SH2D3A: variants seen among roughly 807,000 people sequenced by gnomAD.
SH2D3A encodes the protein SH2 domain-containing protein 3A.
A neutral mutation model predicts 50.6 loss-of-function variants in SH2D3A; 46 were observed. The observed-to-expected ratio is 0.91, with a 90% confidence interval of 0.72 to 1.16. The LOEUF (loss-of-function observed/expected upper bound fraction) is 1.16, where lower values mean the gene tolerates loss of function less well. Among genes scored for constraint, SH2D3A ranks in the 50% most tolerant of loss-of-function variants. The pLI, the probability that SH2D3A is intolerant of heterozygous loss-of-function variation, is 0.00. For missense variants in SH2D3A, 783 were observed against 786.2 expected, an observed-to-expected ratio of 1.00 and a Z score of 0.05; for synonymous variants, 377 against 348.4, an observed-to-expected ratio of 1.08 and a Z score of -0.91.
intron 1 of SH2D3A, among the ~76,000 whole-genome samples, chr19:6,765,395 C>T (rs1042089769): frequency 3.3e-5 from 5 of 152,064 alleles, no homozygotes; most frequent in Admixed American, 6.6e-5. Flanking sequence ...GCAACCTATG[C>T]GCACACTCAG....
chr19:6,753,108 A>G (rs914693106), intron 9 of SH2D3A: 34 of 984,936 alleles, frequency 3.5e-5, no homozygotes, highest in Non-Finnish European at 4.1e-5. Flanking sequence ...GGGCTGCCCT[A>G]GGATAGGACG....
chr19:6,759,458 A>T, intron 4 of SH2D3A, 136 bp downstream of exon 4: 1 of 764,334 alleles, frequency 1.3e-6, no homozygotes, highest in South Asian at 1.6e-5. Context: ...TGCATGTTTT[A>T]AGTCATCGTG....
chr19:6,755,287 C>G lies in SH2D3A; in HGVS notation c.525G>C (p.Leu175Phe). The change falls in exon 5 of 10, where the codon TTG becomes TTC. Residue 175 changes from leucine to phenylalanine, a missense_variant. Coordinates refer to ENST00000245908, the MANE Select transcript of SH2D3A (RefSeq NM_005490.3). The part of the protein sequence containing the change: ...MEASTMPISA[L>F]PRTSSDPVLL... ...ACACCGGGTCACTGCTCGTTCGGGG[C>G]AAGGCAGATATGGGCATGGTGGAGG... The G allele has an allele frequency of 6.6e-7, 1 of 1,517,626 alleles. No homozygotes were observed. The highest frequency in any genetic ancestry group is 8.8e-7 in the Non-Finnish European group (1 of 1,132,962). 94.0% of individuals were successfully genotyped at this position (1,517,626 alleles called of 1,614,324 possible).
In SH2D3A at chr19:6,754,852, G is replaced by T. The variant is rs1969557471; in HGVS notation, c.960C>A (p.His320Gln). Residue 320 changes from histidine to glutamine, a missense_variant, in exon 5 of 10, where the codon CAC becomes CAA. By Grantham distance (24) the His-to-Gln change is conservative. Coordinates refer to ENST00000245908, the MANE Select transcript of SH2D3A (RefSeq NM_005490.3). ...LEHHPGSTAL[H>Q]LLLVDCQATG... is the part of the protein sequence containing the mutation. ...CCACCTGGCAGTCTACCAATAGCAG[G>T]TGAAGGGCGGTGCTCCCAGGATGGT... 6.3e-7 allele frequency: 1 copy of T among 1,599,570 alleles called. No individual in the cohort carries two copies. Among genetic ancestry groups the T allele is most frequent in the Non-Finnish European group, 8.5e-7 (1 of 1,171,228 alleles).
At chr19:6,753,119 G>A in intron 9 of SH2D3A, 1 of 985,344 alleles carries the variant, frequency 1.0e-6, no homozygotes, top group Non-Finnish European at 1.2e-6. Flanking sequence ...GGATAGGACG[G>A]AGGAGTCGTT....
In SH2D3A at chr19:6,752,400, G is replaced by A; in HGVS notation, c.*193C>T. 1 of 438,472 alleles carries A rather than the reference G, an allele frequency of 2.3e-6. No homozygotes were observed. The highest frequency in any genetic ancestry group is 3.9e-6 in the Non-Finnish European group (1 of 255,500). The allele number at this position is 438,472 out of a possible 1,614,324, so 27.2% of individuals were successfully genotyped here. A position where few individuals can be genotyped will look rare whatever the true frequency, so the allele number is the denominator to read the frequency against. On this transcript the variant is annotated 3_prime_UTR_variant, in exon 10 of 10. Transcript: ENST00000245908. The stretch of plus-strand genomic sequence containing the variant: ...GAGGTGGAGTCACATTTGAACTCTG[G>A]CCTCTGATGCCAGATCTGCAGGTCA...
Position 6,754,357 on chromosome 19 carries a change from G to C in SH2D3A, c.1166C>G (p.Ala389Gly). 1 of 1,568,238 alleles carries C rather than the reference G, an allele frequency of 6.4e-7. No homozygotes were observed. The highest frequency in any genetic ancestry group is 8.6e-7 in the Non-Finnish European group (1 of 1,163,920). The change falls in exon 7 of 10, where the codon GCA (alanine) becomes GGA (glycine). Residue 389 changes from alanine to glycine, a missense_variant. Transcript: ENST00000245908. ...LGCSGPLEER[A>G]AALRGLVELA... is the part of the protein sequence containing the mutation. ...CTCTACCAGTCCCCTCAGTGCGGCT[G>C]CGCGCTCCTCCAGCGGCCCCGAGCA...
At position 6,760,848 on chromosome 19, in the gene SH2D3A, C is replaced by T. The variant is rs566329999; in HGVS notation, c.209G>A (p.Arg70Gln). ...FEVFRVALRP[R>Q]PGRPTALFQL... ...AAAGAGGGCTGTGGGTCGGCCTGGCCGGGGACGCAGGGCCACACGGAACAC... is the reference window on the plus strand; with the variant it reads ...AAAGAGGGCTGTGGGTCGGCCTGGCTGGGGACGCAGGGCCACACGGAACAC... Residue 70 changes from arginine to glutamine, a missense_variant, in exon 3 of 10, where the codon CGG becomes CAG. Coordinates refer to ENST00000245908, the MANE Select transcript of SH2D3A (RefSeq NM_005490.3). 2.6e-5 allele frequency: 42 copies of T among 1,614,208 alleles called. No individual in the cohort carries two copies. The African/African-American group carries it at 4.1e-4, about 16-fold the overall frequency.
In SH2D3A at chr19:6,752,331, C is replaced by A. The variant is rs538371976; in HGVS notation, c.*262G>T. The stretch of plus-strand genomic sequence containing the variant: ...TGTATGGCTATGATTTTGTTAAAGG[C>A]CGACACAGAGGTGAAGTCAACTGCT... On this transcript the variant is annotated 3_prime_UTR_variant, in exon 10 of 10. Transcript: ENST00000245908. 44 of 366,772 alleles carry A rather than the reference C, an allele frequency of 1.2e-4. No homozygotes were observed. The East Asian group carries it at 1.8e-3, about 15-fold the overall frequency. 22.7% of individuals were successfully genotyped at this position (366,772 alleles called of 1,614,324 possible).
Position 6,759,612 on chromosome 19 carries a change from C to A in SH2D3A, c.478G>T (p.Glu160Ter), listed in dbSNP as rs1969893551. The change falls in exon 4 of 10, where the codon GAA becomes TAA. Residue 160 changes from glutamate to a stop codon, truncating the protein, a stop_gained. Transcript: ENST00000245908. LOFTEE classifies it high-confidence loss of function. The part of the protein sequence containing the change: ...ADLAHMGRSR[E>*]DPAGMEASTM... ...CACTTACCCATCCCAGCGGGGTCTT[C>A]TCTTGACCGCCCCATATGTGCCAAA... 1 of 1,614,030 alleles carries A rather than the reference C, an allele frequency of 6.2e-7. No individual in the cohort carries two copies. Among genetic ancestry groups the A allele is most frequent in the Non-Finnish European group, 8.5e-7 (1 of 1,179,906 alleles).
rs1174275799 is a variant in SH2D3A, at chr19:6,754,399, G to C, written c.1124C>G (p.Ala375Gly). Residue 375 changes from alanine (A) to glycine (G), a missense_variant, in exon 7 of 10, where the codon GCG becomes GGG. By Grantham distance (60) the Ala-to-Gly change is moderately conservative (BLOSUM62 0). Coordinates refer to ENST00000245908, the MANE Select transcript of SH2D3A (RefSeq NM_005490.3). ...ERHQTLALAG[A>G]LAVLGCSGPL... ...CCCCGAGCAGCCCAGCACCGCCAGCGCCCCGGCCAGCGCCAGTGTCTGATG... is the reference window on the plus strand; with the variant it reads ...CCCCGAGCAGCCCAGCACCGCCAGCCCCCCGGCCAGCGCCAGTGTCTGATG... The C allele has an allele frequency of 6.6e-7, 1 of 1,525,426 alleles. No individual in the cohort carries two copies. The highest frequency in any genetic ancestry group is 1.3e-5 in the South Asian group (1 of 78,122). The allele number at this position is 1,525,426 out of a possible 1,614,324, so 94.5% of individuals were successfully genotyped here.
At position 6,754,855 on chromosome 19, in the gene SH2D3A, A is replaced by G; in HGVS notation, c.957T>C (p.Leu319=). The G allele has an allele frequency of 6.3e-7, 1 of 1,599,742 alleles. No individual in the cohort carries two copies. Among genetic ancestry groups the G allele is most frequent in the Non-Finnish European group, 8.5e-7 (1 of 1,171,280 alleles). Reference sequence around the variant, plus strand: ...CCTGGCAGTCTACCAATAGCAGGTGAAGGGCGGTGCTCCCAGGATGGTGCT... The same window carrying G: ...CCTGGCAGTCTACCAATAGCAGGTGGAGGGCGGTGCTCCCAGGATGGTGCT... The part of the protein sequence containing the change: ...FLEHHPGSTA[L]HLLLVDCQAT... Residue 319 remains leucine (L), a synonymous_variant, in exon 5 of 10, where the codon CTT becomes CTC. Coordinates refer to ENST00000245908, the MANE Select transcript of SH2D3A (RefSeq NM_005490.3).
At chr19:6,765,747 C>CAAAAAAAAAAAA (rs397945080) in intron 1 of SH2D3A, among the ~76,000 whole-genome samples, 1 of 63,234 alleles carries the variant, frequency 1.6e-5, no homozygotes, top group Non-Finnish European at 3.4e-5. Context: ...GACTCCGTCT[C>CAAAAAAAAAAAA]AAAAAAAAAA....
At chr19:6,763,314 T>C (rs1970128465) in intron 2 of SH2D3A, among the ~76,000 whole-genome samples, 1 of 152,072 alleles carries the variant, frequency 6.6e-6, no homozygotes, top group Admixed American at 6.6e-5. Context: ...TCCGCCCACC[T>C]CGGCCTTTCA....
rs568578325 is a variant in SH2D3A, at chr19:6,754,321, G to A, written c.1202C>T (p.Ala401Val). The A allele has an allele frequency of 3.4e-5, 53 of 1,570,216 alleles. No homozygotes were observed. The East Asian group carries it at 8.5e-4, about 25-fold the overall frequency. Residue 401 changes from alanine (A) to valine (V), a missense_variant, in exon 7 of 10, where the codon GCG becomes GTG. Coordinates refer to ENST00000245908, the MANE Select transcript of SH2D3A (RefSeq NM_005490.3). ...GTCCCCCGCCGCCCCTGGCCGCAGC[G>A]CCAGCGCCAGCTCTACCAGTCCCCT... Reference protein sequence around the residue: ...ALRGLVELALALRPGAAGDLP... With the variant: ...ALRGLVELALVLRPGAAGDLP...
intron 3 of SH2D3A, among the ~76,000 whole-genome samples, chr19:6,760,384 A>C (rs1455174164): frequency 1.3e-5 from 2 of 151,238 alleles, no homozygotes; most frequent in Non-Finnish European, 2.9e-5. Flanking sequence ...TCCAGAGAAA[A>C]ATAAAAAATA....
rs1457921586 is a variant in SH2D3A at position 6,754,371 on chromosome 19, CG to C, written c.1151del (p.Pro384ArgfsTer9). The part of the protein sequence containing the change: ...GALAVLGCSG[P>X]LEERAAALRG... ...TCAGTGCGGCTGCGCGCTCCTCCAG[CG>C]GCCCCGAGCAGCCCAGCACCGCCAG... On this transcript the variant is annotated frameshift_variant, in exon 7 of 10. Transcript: ENST00000245908. LOFTEE classifies it high-confidence loss of function. 1.3e-6 allele frequency: 2 copies of C among 1,555,384 alleles called. No homozygotes were observed. Among genetic ancestry groups the C allele is most frequent in the Non-Finnish European group, 1.7e-6 (2 of 1,158,728 alleles).
chr19:6,763,856 G>A (rs1014418950), intron 1 of SH2D3A, 40 bp from the exon 2 acceptor site: 1 of 699,104 alleles, frequency 1.4e-6, no homozygotes, highest in African/African-American at 1.8e-5. Context: ...GAGTGTCTGG[G>A]TCAGCTCCTT....
chr19:6,754,854 G>A lies in SH2D3A; in HGVS notation c.958C>T (p.His320Tyr), dbSNP rs1173379499. 2.5e-6 allele frequency: 4 copies of A among 1,599,704 alleles called. No individual in the cohort carries two copies. The highest frequency in any genetic ancestry group is 2.7e-5 in the African/African-American group (2 of 74,722). Reference sequence around the variant, plus strand: ...ACCTGGCAGTCTACCAATAGCAGGTGAAGGGCGGTGCTCCCAGGATGGTGC... The same window carrying A: ...ACCTGGCAGTCTACCAATAGCAGGTAAAGGGCGGTGCTCCCAGGATGGTGC... ...LEHHPGSTAL[H>Y]LLLVDCQATG... The change falls in exon 5 of 10, where the codon CAC becomes TAC. Residue 320 changes from histidine (H) to tyrosine (Y), a missense_variant. By Grantham distance (83) the His-to-Tyr change is moderately conservative. Coordinates refer to ENST00000245908, the MANE Select transcript of SH2D3A (RefSeq NM_005490.3).
Sources: gnomAD v4.1 joint callset for allele counts (sites outside exome capture counted in the v4.1 genomes callset) on GRCh38, gnomAD v4.1.1 for gene constraint, MANE v1.5 for transcripts, NCBI Gene and HGNC (gene_info 2026-07-23, HGNC 2026-07-21) for gene names.